Variants in DOCK2 observed in about 807,000 individuals in gnomAD.
The protein encoded by DOCK2 is dedicator of cytokinesis 2.
DOCK2 carries 87 observed loss-of-function variants against 248.9 expected under a neutral mutation model. That is an observed-to-expected ratio of 0.35 (90% CI 0.29 to 0.42). The LOEUF is 0.42. Ranked by LOEUF, DOCK2 falls within the 10% of genes least tolerant of loss-of-function variation. DOCK2 has a pLI of 1.00. For missense variants in DOCK2, 1,747 were observed against 2,300.2 expected, an observed-to-expected ratio of 0.76 and a Z score of 4.92; for synonymous variants, 805 against 821.6, an observed-to-expected ratio of 0.98 and a Z score of 0.35.
intron 33 of DOCK2, among the ~76,000 whole-genome samples, chr5:170,027,595 T>G (rs1226597807): frequency 6.6e-6 from 1 of 152,082 alleles, no homozygotes; most frequent in African/African-American, 2.4e-5. Context: ...CTGACTCTCC[T>G]CCCTCTCTCC....
At chr5:169,664,079 G>A (rs1713433915) in intron 2 of DOCK2, among the ~76,000 whole-genome samples, 1 of 152,306 alleles carries the variant, frequency 6.6e-6, no homozygotes, top group African/African-American at 2.4e-5. Flanking sequence ...AAACAGCCAG[G>A]TCAAATCTTG....
At chr5:169,796,012 A>G (rs1766627064) in intron 25 of DOCK2, among the ~76,000 whole-genome samples, 1 of 152,248 alleles carries the variant, frequency 6.6e-6, no homozygotes, top group African/African-American at 2.4e-5. Flanking sequence ...ACAGGATTGA[A>G]GAGTCGATTA....
chr5:169,730,655 CTTT>C (rs1359800893), intron 22 of DOCK2, among the ~76,000 whole-genome samples: 16 of 152,136 alleles, frequency 1.1e-4, no homozygotes, highest in African/African-American at 3.6e-4. Flanking sequence ...ACTGTCCATT[CTTT>C]AATCATGCTA....
At chr5:169,705,551 A>T (rs1355593149) in intron 14 of DOCK2, among the ~76,000 whole-genome samples, 2 of 152,212 alleles carry the variant, frequency 1.3e-5, no homozygotes, top group Non-Finnish European at 2.9e-5. Context: ...TCTGTCTGAA[A>T]ATAGGACCAG....
chr5:169,924,430 G>A (rs1459265706), intron 27 of DOCK2, among the ~76,000 whole-genome samples: 1 of 152,182 alleles, frequency 6.6e-6, no homozygotes, highest in East Asian at 1.9e-4. Flanking sequence ...CATCCTGTCA[G>A]CAAATCACAT....
chr5:169,783,897 A>T (rs934866139), intron 25 of DOCK2, among the ~76,000 whole-genome samples: 1 of 152,170 alleles, frequency 6.6e-6, no homozygotes, highest in Non-Finnish European at 1.5e-5. Flanking sequence ...TTCCCCTCAC[A>T]ATCTACTGTC....
chr5:169,669,469 C>T (rs549046944), intron 3 of DOCK2, 141 bp downstream of exon 3: 6 of 887,096 alleles, frequency 6.8e-6, no homozygotes, highest in Non-Finnish European at 1.1e-5. Context: ...GCTCTCTGAC[C>T]TCTGTGCCTT....
chr5:169,836,219 C>T (rs952695999), intron 26 of DOCK2, among the ~76,000 whole-genome samples: 13 of 152,200 alleles, frequency 8.5e-5, no homozygotes, highest in African/African-American at 2.9e-4. Context: ...ACACTGAGCA[C>T]ATCAAAGTTT....
chr5:169,991,595 C>G (rs1002154689), intron 29 of DOCK2, among the ~76,000 whole-genome samples: 1 of 152,240 alleles, frequency 6.6e-6, no homozygotes, highest in Non-Finnish European at 1.5e-5. Flanking sequence ...TGCTGGCCAG[C>G]CCATACAAGA....
At chr5:170,021,843 C>T (rs1755739462) in intron 33 of DOCK2, among the ~76,000 whole-genome samples, 2 of 152,000 alleles carry the variant, frequency 1.3e-5, no homozygotes, top group South Asian at 4.2e-4. Context: ...GAGGTGAATC[C>T]CTGCTGAATC....
chr5:169,769,142 G>C (rs1033769030), intron 25 of DOCK2, among the ~76,000 whole-genome samples: 1 of 152,154 alleles, frequency 6.6e-6, no homozygotes, highest in Non-Finnish European at 1.5e-5. Context: ...TCTCTACTTT[G>C]TGCTGTGGCA....
intron 27 of DOCK2, among the ~76,000 whole-genome samples, chr5:169,916,650 A>G (rs1239229111): frequency 6.7e-6 from 1 of 150,360 alleles, no homozygotes; most frequent in Non-Finnish European, 1.5e-5. Flanking sequence ...CATAGTAGGT[A>G]TTAGGTTAGG....
At chr5:169,657,116 C>T (rs150723293) in intron 2 of DOCK2, among the ~76,000 whole-genome samples, 24 of 152,220 alleles carry the variant, frequency 1.6e-4, no homozygotes, top group African/African-American at 4.3e-4. Flanking sequence ...TCTCCTGGTA[C>T]GCAAATCATT....
intron 33 of DOCK2, among the ~76,000 whole-genome samples, chr5:170,020,984 A>G (rs1755702323): frequency 6.6e-6 from 1 of 152,238 alleles, no homozygotes; most frequent in South Asian, 2.1e-4. Context: ...TGCAAGAAAC[A>G]TCTATTGGAT....
At chr5:169,718,853 A>G in intron 22 of DOCK2, 62 bp downstream of exon 22, 1 of 1,525,552 alleles carries the variant, frequency 6.6e-7, no homozygotes, top group Non-Finnish European at 8.9e-7. Context: ...ATACAACAGT[A>G]TTTTTACTGT....
At chr5:169,774,275 C>T (rs898399367) in intron 25 of DOCK2, among the ~76,000 whole-genome samples, 2 of 152,142 alleles carry the variant, frequency 1.3e-5, no homozygotes, top group Non-Finnish European at 2.9e-5. Context: ...TAACAAAATA[C>T]AGTAATAAGT....
chr5:169,967,071 G>A (rs1777328887), intron 27 of DOCK2, among the ~76,000 whole-genome samples: 1 of 152,232 alleles, frequency 6.6e-6, no homozygotes, highest in African/African-American at 2.4e-5. Context: ...TGTGCCAGGT[G>A]CTAGGGATAA....
At position 169,753,292 on chromosome 5, in the gene DOCK2, C is replaced by T. The variant is rs528425188; in HGVS notation, c.2376+5788C>T. Reference sequence around the variant, plus strand: ...CATGGTGGTTTGCTGCACCTATCAACCTGTCATCTAGGTTTTAAGCCCTGC... The same window carrying T: ...CATGGTGGTTTGCTGCACCTATCAATCTGTCATCTAGGTTTTAAGCCCTGC... On this transcript the variant is annotated intron_variant, in intron 23 of 51. Transcript: ENST00000520908. 2.0e-5 allele frequency among the ~76,000 whole-genome samples: 3 copies of T among 152,202 alleles called. No individual in the cohort carries two copies. In the South Asian group the frequency reaches 6.2e-4, roughly 32 times the overall value.
At chr5:169,806,311 T>TTAA (rs1554103029) in intron 26 of DOCK2, among the ~76,000 whole-genome samples, 2 of 26,286 alleles carry the variant, frequency 7.6e-5, no homozygotes, top group Non-Finnish European at 1.8e-4. Context: ...GGTTAATTAG[T>TTAA]TAATTAATTA....
Sources: allele counts gnomAD v4.1 joint callset (sites outside exome capture counted in the v4.1 genomes callset), GRCh38; gene constraint gnomAD v4.1.1; transcripts MANE v1.5; gene names NCBI Gene and HGNC (gene_info 2026-07-23, HGNC 2026-07-21).